ZNF536: variants seen among roughly 807,000 people sequenced by gnomAD.
ZNF536 encodes zinc finger protein 536.
In ZNF536, 13 loss-of-function variants were observed where a neutral mutation model predicts 84.5. That is an observed-to-expected ratio of 0.15 (90% CI 0.10 to 0.24). The LOEUF (loss-of-function observed/expected upper bound fraction) is 0.24, where lower values mean the gene tolerates loss of function less well. Ranked by LOEUF, ZNF536 falls within the 10% of genes least tolerant of loss-of-function variation. The probability of loss-of-function intolerance (pLI) is 1.00; values close to 1 mark genes in which losing one functional copy is unlikely to be tolerated. For missense variants in ZNF536, 1,536 were observed against 1,747.5 expected (o/e 0.88, Z 2.16); for synonymous variants, 811 against 742.5 (o/e 1.09, Z -1.50).
At chr19:30,611,137 G>A (rs1396021513) in intron 1 of ZNF536, among the ~76,000 whole-genome samples, 1 of 152,202 alleles carries the variant, frequency 6.6e-6, no homozygotes, top group Non-Finnish European at 1.5e-5. Flanking sequence ...GCCATTGGGA[G>A]TCCTTCCAAA....
At chr19:30,605,633 T>A (rs909008412) in intron 1 of ZNF536, among the ~76,000 whole-genome samples, 1 of 152,228 alleles carries the variant, frequency 6.6e-6, no homozygotes, top group Non-Finnish European at 1.5e-5. Context: ...CTTTGAATTG[T>A]GCTTCAATAA....
chr19:30,617,876 C>T (rs2048358877), intron 1 of ZNF536, among the ~76,000 whole-genome samples: 1 of 152,080 alleles, frequency 6.6e-6, no homozygotes, highest in African/African-American at 2.4e-5. Flanking sequence ...GACTGTTGGC[C>T]TATCTGTCTT....
chr19:30,624,839 C>G (rs141886655), intron 1 of ZNF536, among the ~76,000 whole-genome samples: 1 of 152,184 alleles, frequency 6.6e-6, no homozygotes, highest in Non-Finnish European at 1.5e-5. Flanking sequence ...GCAGTTTCTC[C>G]CATGCTGTTC....
intron 2 of ZNF536, among the ~76,000 whole-genome samples, chr19:30,325,045 C>T (rs983477938): frequency 2.6e-5 from 4 of 152,196 alleles, no homozygotes; most frequent in African/African-American, 7.2e-5. Flanking sequence ...CACGTTTGCT[C>T]CTTGGCCTGG....
At chr19:30,637,836 G>A (rs941402214) in intron 1 of ZNF536, among the ~76,000 whole-genome samples, 1 of 152,180 alleles carries the variant, frequency 6.6e-6, no homozygotes, top group Non-Finnish European at 1.5e-5. Flanking sequence ...TTCTGAGAAA[G>A]ACTGTGTCTT....
At chr19:30,613,987 C>A (rs138653433) in intron 1 of ZNF536, among the ~76,000 whole-genome samples, 2,005 of 152,258 alleles carry the variant, frequency 0.013, 38 homozygotes, top group African/African-American at 0.045. Context: ...CTCAGCCTCC[C>A]GAGTAGCTGG....
At chr19:30,481,651 A>G (rs1039266652) in intron 2 of ZNF536, among the ~76,000 whole-genome samples, 2 of 152,138 alleles carry the variant, frequency 1.3e-5, no homozygotes, top group South Asian at 2.1e-4. Context: ...AGTTCTTTTT[A>G]AAAATTTTGT....
chr19:30,638,050 C>T (rs577579102), intron 1 of ZNF536, among the ~76,000 whole-genome samples: 1 of 152,236 alleles, frequency 6.6e-6, no homozygotes, highest in South Asian at 2.1e-4. Flanking sequence ...GCCCTGAAAA[C>T]TCTTTCCTGA....
intron 1 of ZNF536, among the ~76,000 whole-genome samples, chr19:30,609,305 C>A (rs1351116805): frequency 1.3e-5 from 2 of 152,118 alleles, no homozygotes; most frequent in Non-Finnish European, 2.9e-5. Context: ...TTCAGGGAAA[C>A]CCACAAAATA....
At chr19:30,290,788 G>A (rs190530453) in intron 2 of ZNF536, among the ~76,000 whole-genome samples, 1 of 152,272 alleles carries the variant, frequency 6.6e-6, no homozygotes, top group African/African-American at 2.4e-5. Flanking sequence ...CATCATCTAG[G>A]TTTTAAGCCC....
At chr19:30,600,042 GTTTT>G (rs60592659) in intron 1 of ZNF536, among the ~76,000 whole-genome samples, 102 of 148,362 alleles carry the variant, frequency 6.9e-4, no homozygotes, top group African/African-American at 2.4e-3. Flanking sequence ...GCTCCTAGCT[GTTTT>G]TTTTTTTTTG....
chr19:30,417,093 C>G (rs995363858), intron 1 of ZNF536, among the ~76,000 whole-genome samples: 2 of 151,754 alleles, frequency 1.3e-5, no homozygotes, highest in African/African-American at 4.8e-5. Flanking sequence ...CCTGCCCCAG[C>G]CTCCTGAATA....
chr19:30,588,249 T>C (rs1250846552), intron 1 of ZNF536, among the ~76,000 whole-genome samples: 1 of 152,242 alleles, frequency 6.6e-6, no homozygotes, highest in Admixed American at 6.5e-5. Context: ...GTCACCTAAC[T>C]GTTGAGCATC....
intron 1 of ZNF536, among the ~76,000 whole-genome samples, chr19:30,698,307 G>A (rs904879110): frequency 2.0e-5 from 3 of 150,722 alleles, no homozygotes; most frequent in African/African-American, 7.3e-5. Flanking sequence ...AAAAAAAAAA[G>A]TTTGCATAGA....
At chr19:30,356,576 A>T (rs1340978107) in intron 3 of ZNF536, among the ~76,000 whole-genome samples, 1 of 152,204 alleles carries the variant, frequency 6.6e-6, no homozygotes, top group Non-Finnish European at 1.5e-5. Context: ...ATCATATTCG[A>T]TCTTCACCAT....
At chr19:30,701,213 ACACACG>A (rs1369352605) in intron 1 of ZNF536, among the ~76,000 whole-genome samples, 1 of 148,828 alleles carries the variant, frequency 6.7e-6, no homozygotes, top group Non-Finnish European at 1.5e-5. Flanking sequence ...ACACACACAC[ACACACG>A]CAAACACACA....
intron 1 of ZNF536, among the ~76,000 whole-genome samples, chr19:30,422,512 T>C (rs1256024791): frequency 4.6e-5 from 7 of 152,186 alleles, no homozygotes; most frequent in Admixed American, 4.6e-4. Flanking sequence ...TGCAAGAGTA[T>C]AGCCCATGGG....
intron 1 of ZNF536, among the ~76,000 whole-genome samples, chr19:30,565,042 T>C (rs1341208774): frequency 6.6e-6 from 1 of 152,166 alleles, no homozygotes; most frequent in Non-Finnish European, 1.5e-5. Flanking sequence ...CTGATTAAGA[T>C]GCACTTCTGT....
chr19:30,594,668 G>A (rs997163665), intron 1 of ZNF536, among the ~76,000 whole-genome samples: 1 of 151,998 alleles, frequency 6.6e-6, no homozygotes, highest in East Asian at 1.9e-4. Context: ...GGCACCCCCT[G>A]GGTGAGGGGT....
Sources: gnomAD v4.1 joint callset for allele counts (sites outside exome capture counted in the v4.1 genomes callset) on GRCh38, gnomAD v4.1.1 for gene constraint, MANE v1.5 for transcripts, NCBI Gene and HGNC (gene_info 2026-07-23, HGNC 2026-07-21) for gene names.